The following RAB7A variants were observed in gnomAD, a reference collection of about 807,000 sequenced individuals.
The protein encoded by RAB7A is ras-related protein Rab-7a.
In RAB7A, 2 loss-of-function variants were observed where a neutral mutation model predicts 24.5. That is an observed-to-expected ratio of 0.08 (90% CI 0.03 to 0.26). The LOEUF (loss-of-function observed/expected upper bound fraction) is 0.26. RAB7A is among the 10% of genes least tolerant of loss of function. The pLI, the probability that RAB7A is intolerant of heterozygous loss-of-function variation, is 1.00. For missense variants in RAB7A, 118 were observed against 255.7 expected (o/e 0.46, Z 3.67); for synonymous variants, 100 against 95.9 (o/e 1.04, Z -0.25).
intron 1 of RAB7A, among the ~76,000 whole-genome samples, chr3:128,757,295 A>C (rs1041947524): frequency 1.1e-4 from 16 of 152,084 alleles, no homozygotes; most frequent in African/African-American, 3.9e-4. Flanking sequence ...AGTGCTATGG[A>C]GAACAGTAAC....
chr3:128,795,751 C>CTTTTTTCTTTTTTTTTTTTTTTTTTT (rs1933555587), intron 2 of RAB7A, among the ~76,000 whole-genome samples: 1 of 43,032 alleles, frequency 2.3e-5, no homozygotes, highest in Non-Finnish European at 4.7e-5. Flanking sequence ...AGCAGATGTG[C>CTTTTTTCTTTTTTTTTTTTTTTTTTT]TTTTTTTTTT....
chr3:128,750,972 G>A (rs568856120), intron 1 of RAB7A, among the ~76,000 whole-genome samples: 2 of 152,340 alleles, frequency 1.3e-5, no homozygotes, highest in South Asian at 4.1e-4. Context: ...GGCTTCAGAG[G>A]ATGCAAGCCC....
intron 1 of RAB7A, among the ~76,000 whole-genome samples, chr3:128,775,425 C>T (rs1344865942): frequency 6.6e-6 from 1 of 152,178 alleles, no homozygotes; most frequent in African/African-American, 2.4e-5. Context: ...TCGCCTCTTC[C>T]CCTTCTCTCT....
In RAB7A at chr3:128,814,590, A is replaced by G. The variant is rs927527265; in HGVS notation, c.*1168A>G. On this transcript the variant is annotated 3_prime_UTR_variant, in exon 6 of 6. Transcript: ENST00000265062. ...GAGCTTTTTCCTCTTTTCCCCACCC[A>G]TCTCCCCAATATTGCCCATTATTAA... 1.3e-5 allele frequency: 2 copies of G among 152,484 alleles called. No homozygotes were observed. The highest frequency in any genetic ancestry group is 2.9e-5 in the Non-Finnish European group (2 of 68,020). 9.4% of individuals were successfully genotyped at this position (152,484 alleles called of 1,614,324 possible). A position where few individuals can be genotyped will look rare whatever the true frequency, so the allele number is the denominator to read the frequency against.
At chr3:128,747,818 A>T (rs531465221) in intron 1 of RAB7A, among the ~76,000 whole-genome samples, 1 of 151,288 alleles carries the variant, frequency 6.6e-6, no homozygotes, top group East Asian at 1.9e-4. Flanking sequence ...CCCAGGCTAG[A>T]GTGCAGTGGT....
At chr3:128,799,067 C>G (rs1410777273) in intron 3 of RAB7A, 1 of 158,722 alleles carries the variant, frequency 6.3e-6, no homozygotes, top group East Asian at 1.9e-4. Context: ...TTTCCCAGCT[C>G]TGTGATGACC....
At chr3:128,793,104 A>G (rs1933493759) in intron 1 of RAB7A, among the ~76,000 whole-genome samples, 1 of 151,508 alleles carries the variant, frequency 6.6e-6, no homozygotes, top group African/African-American at 2.4e-5. Flanking sequence ...GCTCACTGCA[A>G]CCTCCACCTC....
At chr3:128,770,706 G>C (rs1228710906) in intron 1 of RAB7A, among the ~76,000 whole-genome samples, 1 of 152,120 alleles carries the variant, frequency 6.6e-6, no homozygotes, top group Non-Finnish European at 1.5e-5. Flanking sequence ...CATTGTCTCT[G>C]TGACTTATAG....
chr3:128,731,953 C>T (rs1425760906), intron 1 of RAB7A, among the ~76,000 whole-genome samples: 5 of 147,354 alleles, frequency 3.4e-5, no homozygotes, highest in Admixed American at 6.8e-5. Flanking sequence ...TGCAGTGAGC[C>T]GGGATCGTGC....
At chr3:128,809,164 A>G (rs1359278427) in intron 5 of RAB7A, among the ~76,000 whole-genome samples, 1 of 152,092 alleles carries the variant, frequency 6.6e-6, no homozygotes, top group East Asian at 1.9e-4. Flanking sequence ...TTCCATCACT[A>G]CTGTCCCTGT....
At chr3:128,770,005 C>CTT (rs766245243) in intron 1 of RAB7A, among the ~76,000 whole-genome samples, 19 of 140,772 alleles carry the variant, frequency 1.3e-4, no homozygotes, top group Non-Finnish European at 1.9e-4. Flanking sequence ...TTCCTTTTTT[C>CTT]TTTTTTTTTT....
chr3:128,795,108 TGA>T (rs1311881228), intron 1 of RAB7A: 1 of 543,752 alleles, frequency 1.8e-6, no homozygotes, highest in African/African-American at 1.9e-5. Flanking sequence ...ACCACCCAAG[TGA>T]GAGAATACAT....
At chr3:128,765,526 A>G (rs907635097) in intron 1 of RAB7A, among the ~76,000 whole-genome samples, 1 of 152,214 alleles carries the variant, frequency 6.6e-6, no homozygotes, top group African/African-American at 2.4e-5. Context: ...TAATTTATAA[A>G]CAACAGAAGT....
intron 1 of RAB7A, among the ~76,000 whole-genome samples, chr3:128,774,716 G>A (rs1284090917): frequency 1.3e-5 from 2 of 152,214 alleles, no homozygotes; most frequent in African/African-American, 4.8e-5. Flanking sequence ...GGGACCACAG[G>A]CGCCCGCCAC....
intron 5 of RAB7A, among the ~76,000 whole-genome samples, chr3:128,808,042 G>A (rs1392672001): frequency 1.3e-5 from 2 of 151,948 alleles, no homozygotes; most frequent in East Asian, 3.9e-4. Flanking sequence ...CGTACCAATC[G>A]TTATATCTAG....
intron 1 of RAB7A, among the ~76,000 whole-genome samples, chr3:128,794,634 GT>G (rs1294222212): frequency 2.0e-5 from 3 of 152,174 alleles, no homozygotes; most frequent in African/African-American, 7.2e-5. Flanking sequence ...GTCTTGATGA[GT>G]AGATAGACCA....
chr3:128,749,526 G>C (rs2070654468), intron 1 of RAB7A: 1 of 152,160 alleles, frequency 6.6e-6, no homozygotes, highest in Non-Finnish European at 1.5e-5. Flanking sequence ...GTGAGACCCT[G>C]CTACATGGTG....
At chr3:128,807,262 C>G (rs969268026) in intron 4 of RAB7A, among the ~76,000 whole-genome samples, 3 of 152,178 alleles carry the variant, frequency 2.0e-5, no homozygotes, top group Non-Finnish European at 4.4e-5. Flanking sequence ...GCTTCTTACT[C>G]CATTCACAAA....
chr3:128,811,260 A>G (rs2107617627), intron 5 of RAB7A, among the ~76,000 whole-genome samples: 1 of 152,242 alleles, frequency 6.6e-6, no homozygotes, highest in Non-Finnish European at 1.5e-5. Flanking sequence ...CTAAGTAGGT[A>G]GGACTACAGG....
Sources: gnomAD v4.1 joint callset for allele counts (sites outside exome capture counted in the v4.1 genomes callset) on GRCh38, gnomAD v4.1.1 for gene constraint, MANE v1.5 for transcripts, NCBI Gene and HGNC (gene_info 2026-07-23, HGNC 2026-07-21) for gene names.